PDZD2: variants seen among roughly 807,000 people sequenced by gnomAD.
PDZD2 encodes PDZ domain containing 2.
A neutral mutation model predicts 220.7 loss-of-function variants in PDZD2; 90 were observed. The ratio of observed to expected loss-of-function variants is 0.41; its 90% CI spans 0.34 to 0.49. The LOEUF is 0.49. Ranked by LOEUF, PDZD2 falls within the 20% of genes least tolerant of loss-of-function variation. The pLI is 0.28. For synonymous variants in PDZD2, 1,375 were observed against 1,450.5 expected, an observed-to-expected ratio of 0.95 and a Z score of 1.18; for missense variants, 3,174 against 3,608.5, an observed-to-expected ratio of 0.88 and a Z score of 3.08.
chr5:31,892,928 C>T (rs191438308), intron 2 of PDZD2, among the ~76,000 whole-genome samples: 48 of 152,212 alleles, frequency 3.2e-4, no homozygotes, highest in Non-Finnish European at 4.3e-4. Flanking sequence ...TGTAGACACA[C>T]GCAGTGCTAC....
At chr5:31,723,677 G>A (rs1251353176) in intron 1 of PDZD2, among the ~76,000 whole-genome samples, 1 of 152,036 alleles carries the variant, frequency 6.6e-6, no homozygotes. Flanking sequence ...GAGTGCAATG[G>A]CGCGATCTTG....
intron 1 of PDZD2, among the ~76,000 whole-genome samples, chr5:31,746,591 G>A (rs1228654542): frequency 2.6e-5 from 4 of 152,130 alleles, no homozygotes; most frequent in Non-Finnish European, 5.9e-5. Context: ...GAGTAAAAGG[G>A]GTGCTATTAT....
At chr5:31,972,766 T>A (rs967646878) in intron 2 of PDZD2, among the ~76,000 whole-genome samples, 2 of 152,212 alleles carry the variant, frequency 1.3e-5, no homozygotes, top group Non-Finnish European at 2.9e-5. Context: ...GACTCAATCA[T>A]GTACAGCAAA....
In PDZD2 at chr5:32,092,927, C is replaced by T; in HGVS notation, c.7748C>T (p.Ser2583Leu). The T allele has an allele frequency of 6.3e-7, 1 of 1,583,914 alleles. No individual in the cohort carries two copies. Among genetic ancestry groups the T allele is most frequent in the East Asian group, 2.2e-5 (1 of 44,662 alleles). Reference protein sequence around the residue: ...WSVNLDQLLVSAGDQQRLQSV... With the variant: ...WSVNLDQLLVLAGDQQRLQSV... ...TTTAGTTTGGATCAACTTCTAGTCT[C>T]AGCGGGGGACCAGCAAAGATTACAG... The change falls in exon 21 of 25, where the codon TCA becomes TTA. Residue 2583 changes from serine to leucine, a missense_variant. By Grantham distance (145) the Ser-to-Leu change is moderately radical (BLOSUM62 -2). Coordinates refer to ENST00000438447, the MANE Select transcript of PDZD2 (RefSeq NM_178140.4).
At chr5:31,825,804 G>T (rs1229666918) in intron 2 of PDZD2, among the ~76,000 whole-genome samples, 1 of 152,096 alleles carries the variant, frequency 6.6e-6, no homozygotes, top group African/African-American at 2.4e-5. Context: ...GCTAACCACG[G>T]TGCTGCTTGC....
chr5:32,044,497 T>C (rs1350904540), intron 7 of PDZD2, among the ~76,000 whole-genome samples: 1 of 152,126 alleles, frequency 6.6e-6, no homozygotes, highest in African/African-American at 2.4e-5. Context: ...TGGGGGAATT[T>C]GGTAGACTGG....
intron 1 of PDZD2, among the ~76,000 whole-genome samples, chr5:31,715,765 T>G: frequency 6.6e-6 from 1 of 152,256 alleles, no homozygotes; most frequent in Non-Finnish European, 1.5e-5. Flanking sequence ...ACATGCTTTG[T>G]GTACCCACGA....
chr5:31,869,422 G>C (rs1182273311), intron 2 of PDZD2, among the ~76,000 whole-genome samples: 1 of 152,104 alleles, frequency 6.6e-6, no homozygotes, highest in Admixed American at 6.5e-5. Context: ...AATTAGCCGG[G>C]CGTGGTGGCG....
At chr5:31,733,923 C>A (rs2150158585) in intron 1 of PDZD2, among the ~76,000 whole-genome samples, 1 of 152,332 alleles carries the variant, frequency 6.6e-6, no homozygotes, top group East Asian at 1.9e-4. Context: ...CTGACACTGT[C>A]TACCTGGAGT....
At chr5:32,104,719 A>AG (rs1744582836) in intron 24 of PDZD2, among the ~76,000 whole-genome samples, 2 of 114,950 alleles carry the variant, frequency 1.7e-5, no homozygotes, top group African/African-American at 1.0e-4. Flanking sequence ...CTCCATCTAA[A>AG]AAAAAAAAAA....
intron 6 of PDZD2, among the ~76,000 whole-genome samples, chr5:32,034,089 A>G (rs1755335663): frequency 6.6e-6 from 1 of 152,088 alleles, no homozygotes; most frequent in Admixed American, 6.6e-5. Flanking sequence ...CTCTGATCCT[A>G]TGAAAACCTG....
In PDZD2 at chr5:31,745,737, G is replaced by A. The variant is rs187361480; in HGVS notation, c.-360-53152G>A. Among the ~76,000 whole-genome samples, 421 of 151,342 alleles carry A rather than the reference G, an allele frequency of 2.8e-3. 1 individual carries two copies. The highest frequency in any genetic ancestry group is 9.6e-3 in the African/African-American group (396 of 41,248). The stretch of plus-strand genomic sequence containing the variant: ...ATTTCTAGTTGTATTAGGTCACTGC[G>A]TCCTATCTTAGTGAATGTTCAGTGA... On this transcript the variant is annotated intron_variant, in intron 1 of 24. Coordinates refer to ENST00000438447, the MANE Select transcript of PDZD2 (RefSeq NM_178140.4).
chr5:31,790,651 T>C (rs1753650587), intron 1 of PDZD2, among the ~76,000 whole-genome samples: 1 of 151,228 alleles, frequency 6.6e-6, no homozygotes, highest in Non-Finnish European at 1.5e-5. Flanking sequence ...ATGATTTGAA[T>C]CCTTTACTTT....
At chr5:31,905,748 T>C (rs1025135799) in intron 2 of PDZD2, among the ~76,000 whole-genome samples, 8 of 152,130 alleles carry the variant, frequency 5.3e-5, no homozygotes, top group Admixed American at 4.6e-4. Flanking sequence ...TTTATAACTT[T>C]TCATTTTGAA....
intron 1 of PDZD2, among the ~76,000 whole-genome samples, chr5:31,780,294 C>T (rs1752986684): frequency 7.6e-6 from 1 of 132,314 alleles, no homozygotes; most frequent in Middle Eastern, 3.5e-3. Context: ...CTGTGGGATT[C>T]TGCGCCTTAA....
intron 1 of PDZD2, among the ~76,000 whole-genome samples, chr5:31,745,115 C>T (rs1307074470): frequency 1.3e-5 from 2 of 152,072 alleles, no homozygotes; most frequent in Non-Finnish European, 2.9e-5. Context: ...AAAATAAACA[C>T]CAAGTGTCCC....
chr5:31,755,907 G>C (rs995893659), intron 1 of PDZD2, among the ~76,000 whole-genome samples: 5 of 152,014 alleles, frequency 3.3e-5, no homozygotes, highest in African/African-American at 1.2e-4. Flanking sequence ...AGTTAGACGT[G>C]GCCTTGGCAA....
chr5:31,765,805 A>G (rs1399648514), intron 1 of PDZD2, among the ~76,000 whole-genome samples: 3 of 152,204 alleles, frequency 2.0e-5, no homozygotes, highest in Non-Finnish European at 4.4e-5. Context: ...TGGGTAAGAA[A>G]GAAGACCAAG....
chr5:31,955,851 CAA>C (rs1747627954), intron 2 of PDZD2, among the ~76,000 whole-genome samples: 3 of 152,136 alleles, frequency 2.0e-5, no homozygotes, highest in Admixed American at 2.0e-4. Flanking sequence ...TCACTTTTCT[CAA>C]GATATTTTTA....
Sources: gnomAD v4.1 joint callset for allele counts (sites outside exome capture counted in the v4.1 genomes callset) on GRCh38, gnomAD v4.1.1 for gene constraint, MANE v1.5 for transcripts, NCBI Gene and HGNC (gene_info 2026-07-23, HGNC 2026-07-21) for gene names.